PHACTR3: variants seen among roughly 807,000 people sequenced by gnomAD.
PHACTR3 encodes the protein phosphatase and actin regulator 3, also known as protein phosphatase 1, regulatory subunit 123.
A neutral mutation model predicts 66.8 loss-of-function variants in PHACTR3; 16 were observed. The ratio of observed to expected loss-of-function variants is 0.24; its 90% CI spans 0.16 to 0.36. The LOEUF (loss-of-function observed/expected upper bound fraction) is 0.36, where lower values mean the gene tolerates loss of function less well. PHACTR3 is among the 10% of genes least tolerant of loss of function. PHACTR3 has a pLI of 1.00. For synonymous variants in PHACTR3, 323 were observed against 292.1 expected (o/e 1.11, Z -1.08); for missense variants, 647 against 719.9 (o/e 0.90, Z 1.16).
At chr20:59,809,994 G>A (rs187895394) in intron 8 of PHACTR3, among the ~76,000 whole-genome samples, 1,729 of 152,214 alleles carry the variant, frequency 0.011, 50 homozygotes, top group Non-Finnish European at 8.9e-3. Flanking sequence ...TGTTATTTGC[G>A]GTTGCCTTTA....
intron 7 of PHACTR3, among the ~76,000 whole-genome samples, chr20:59,799,350 A>G (rs943801983): frequency 6.6e-6 from 1 of 152,142 alleles, no homozygotes; most frequent in African/African-American, 2.4e-5. Flanking sequence ...TATTTATTCT[A>G]TGAATTATTT....
Position 59,829,084 on chromosome 20 carries a change from CCT to C in PHACTR3, c.1329-7420_1329-7419del, listed in dbSNP as rs1296852480. ...GCCTGGGTGGTGGCTGGAGCCAGCC[CCT>C]GAGCCCAGGATGCTGGGCACGGAGC... On this transcript the variant is annotated intron_variant, in intron 8 of 12. Transcript: ENST00000371015. The surrounding 1 kb of genome is among the most constrained non-coding windows in gnomAD (Gnocchi z 4.2). Among the ~76,000 whole-genome samples, 3 of 152,014 alleles carry C rather than the reference CCT, an allele frequency of 2.0e-5. No homozygotes were observed. The highest frequency in any genetic ancestry group is 4.4e-5 in the Non-Finnish European group (3 of 67,984).
At chr20:59,634,848 C>T (rs544082920) in intron 1 of PHACTR3, among the ~76,000 whole-genome samples, 1 of 152,268 alleles carries the variant, frequency 6.6e-6, no homozygotes, top group Admixed American at 6.5e-5. Context: ...CATGCAACCT[C>T]AGAATGGAAT....
intron 8 of PHACTR3, among the ~76,000 whole-genome samples, chr20:59,818,883 A>G (rs2041956274): frequency 6.6e-6 from 1 of 151,950 alleles, no homozygotes; most frequent in East Asian, 1.9e-4. Flanking sequence ...TCTTTCCATC[A>G]TCTTTAGCAA....
At chr20:59,774,946 A>AAGAG (rs1462801298) in intron 7 of PHACTR3, among the ~76,000 whole-genome samples, 1 of 152,040 alleles carries the variant, frequency 6.6e-6, no homozygotes, top group Non-Finnish European at 1.5e-5. Context: ...GAGAGGGAGG[A>AAGAG]AGAGAGATTG....
chr20:59,758,267 T>A (rs2039876338), intron 4 of PHACTR3, among the ~76,000 whole-genome samples: 1 of 152,198 alleles, frequency 6.6e-6, no homozygotes. Context: ...AATGTTCAAT[T>A]AATAATGAAA....
At chr20:59,761,702 G>T (rs2039998326) in intron 4 of PHACTR3, among the ~76,000 whole-genome samples, 1 of 152,232 alleles carries the variant, frequency 6.6e-6, no homozygotes, top group African/African-American at 2.4e-5. Context: ...GAAAATAAGT[G>T]GGGATTACAC....
chr20:59,820,172 GTGA>G lies in PHACTR3; in HGVS notation c.1328+13979_1328+13981del, dbSNP rs1199974530. Among the ~76,000 whole-genome samples, 1 of 152,188 alleles carries G rather than the reference GTGA, an allele frequency of 6.6e-6. No individual in the cohort carries two copies. The highest frequency in any genetic ancestry group is 2.4e-5 in the African/African-American group (1 of 41,448). On this transcript the variant is annotated intron_variant, in intron 8 of 12. Coordinates refer to ENST00000371015, the MANE Select transcript of PHACTR3 (RefSeq NM_080672.5). This position sits in a 1 kb window ranked among gnomAD's most constrained non-coding sequence, Gnocchi z 4.6. ...CACCACTGTGGTGAGGGGTCTGCCT[GTGA>G]ACACTGCAGAGCCTCCAAGGTCAAG... is the stretch of plus-strand genomic sequence containing the variant.
intron 1 of PHACTR3, among the ~76,000 whole-genome samples, chr20:59,714,135 G>A (rs1054334148): frequency 2.0e-5 from 3 of 152,126 alleles, no homozygotes; most frequent in Non-Finnish European, 2.9e-5. Flanking sequence ...CTGGATATGA[G>A]TCTTTGGTTG....
At chr20:59,655,908 T>G (rs2035606433) in intron 1 of PHACTR3, among the ~76,000 whole-genome samples, 1 of 151,970 alleles carries the variant, frequency 6.6e-6, no homozygotes, top group Non-Finnish European at 1.5e-5. Flanking sequence ...GACTCATTGG[T>G]TATTTAGGGC....
chr20:59,801,679 G>A (rs1435540614), intron 7 of PHACTR3, among the ~76,000 whole-genome samples: 1 of 152,148 alleles, frequency 6.6e-6, no homozygotes, highest in Non-Finnish European at 1.5e-5. Context: ...GTTTGTATAT[G>A]GCAACAATGA....
chr20:59,666,388 G>A (rs1202464569), intron 1 of PHACTR3, among the ~76,000 whole-genome samples: 4 of 152,186 alleles, frequency 2.6e-5, no homozygotes, highest in African/African-American at 9.7e-5. Context: ...ATAGCATCAG[G>A]GGTCACTTGA....
intron 5 of PHACTR3, among the ~76,000 whole-genome samples, chr20:59,772,845 C>G (rs1401731503): frequency 2.0e-5 from 3 of 152,144 alleles, no homozygotes; most frequent in Admixed American, 6.5e-5. Context: ...AAGTGCAAGC[C>G]CAAGGTGCTG....
chr20:59,698,110 G>A (rs749041081), intron 1 of PHACTR3, among the ~76,000 whole-genome samples: 12 of 152,054 alleles, frequency 7.9e-5, no homozygotes, highest in Non-Finnish European at 1.3e-4. Flanking sequence ...CATTAACAGG[G>A]GACTGAATAC....
chr20:59,602,831 G>A (rs953570084), upstream of PHACTR3, among the ~76,000 whole-genome samples: 5 of 152,202 alleles, frequency 3.3e-5, no homozygotes, highest in South Asian at 2.1e-4. Flanking sequence ...AGTGTGTCAG[G>A]ACAGCCCCTG....
At chr20:59,640,568 C>T (rs2035067660) in intron 1 of PHACTR3, among the ~76,000 whole-genome samples, 2 of 152,118 alleles carry the variant, frequency 1.3e-5, no homozygotes, top group Admixed American at 6.5e-5. Flanking sequence ...TCTGCACAGC[C>T]CTGCTCATTA....
intron 1 of PHACTR3, among the ~76,000 whole-genome samples, chr20:59,590,756 C>T (rs947808980): frequency 6.6e-6 from 1 of 152,172 alleles, no homozygotes; most frequent in African/African-American, 2.4e-5. Context: ...AGTCCAAGAT[C>T]AAGGGGCCGG....
At chr20:59,808,708 T>C (rs2041641999) in intron 8 of PHACTR3, among the ~76,000 whole-genome samples, 1 of 152,196 alleles carries the variant, frequency 6.6e-6, no homozygotes, top group African/African-American at 2.4e-5. Flanking sequence ...GTTCTGATGC[T>C]GCAGGTGCAG....
At chr20:59,591,965 TAA>T (rs2033195024) in intron 1 of PHACTR3, among the ~76,000 whole-genome samples, 1 of 152,172 alleles carries the variant, frequency 6.6e-6, no homozygotes, top group African/African-American at 2.4e-5. Context: ...GCCGTGGCTC[TAA>T]GAGGTCACCA....
Sources: gnomAD v4.1 joint callset for allele counts (sites outside exome capture counted in the v4.1 genomes callset) on GRCh38, gnomAD v4.1.1 for gene constraint, Gnocchi (gnomAD v3.1) non-coding constraint, MANE v1.5 for transcripts, NCBI Gene and HGNC (gene_info 2026-07-23, HGNC 2026-07-21) for gene names.